The following NFAT5 variants were observed in gnomAD, a reference collection of about 807,000 sequenced individuals.
NFAT5 encodes nuclear factor of activated T cells 5.
In NFAT5, 31 loss-of-function variants were observed where a neutral mutation model predicts 166.5. That is an observed-to-expected ratio of 0.19 (90% CI 0.14 to 0.25). NFAT5 has a LOEUF of 0.25. Ranked by LOEUF, NFAT5 falls within the 10% of genes least tolerant of loss-of-function variation. The probability of loss-of-function intolerance (pLI) is 1.00; values close to 1 mark genes in which losing one functional copy is unlikely to be tolerated. For synonymous variants in NFAT5, 612 were observed against 639.7 expected (o/e 0.96, Z 0.65); for missense variants, 1,449 against 1,821.8 (o/e 0.80, Z 3.72).
intron 6 of NFAT5, among the ~76,000 whole-genome samples, chr16:69,657,164 T>A (rs938084632): frequency 6.6e-6 from 1 of 151,902 alleles, no homozygotes. Context: ...GGAGTCTTGC[T>A]TTGTTGCCCA....
chr16:69,574,816 G>T (rs183255965), intron 2 of NFAT5, among the ~76,000 whole-genome samples: 5 of 151,750 alleles, frequency 3.3e-5, no homozygotes, highest in Non-Finnish European at 7.4e-5. Flanking sequence ...TTACAGGCAC[G>T]CACCACCATG....
chr16:69,670,354 A>G, intron 9 of NFAT5, 66 bp downstream of exon 9: 1 of 963,366 alleles, frequency 1.0e-6, no homozygotes, highest in South Asian at 1.5e-5. Context: ...TTGTTTTGAA[A>G]TTTTCCTGAA....
At chr16:69,694,572 A>G (rs1215732407) in intron 13 of NFAT5, among the ~76,000 whole-genome samples, 1 of 152,190 alleles carries the variant, frequency 6.6e-6, no homozygotes, top group Admixed American at 6.5e-5. Flanking sequence ...TTGTTTTAAG[A>G]GTACAGATTG....
intron 11 of NFAT5, among the ~76,000 whole-genome samples, chr16:69,686,306 T>C (rs1199256409): frequency 6.6e-6 from 1 of 151,992 alleles, no homozygotes; most frequent in Admixed American, 6.6e-5. Flanking sequence ...TGAGCCAAGA[T>C]TGTGCCACTG....
chr16:69,615,461 T>G (rs2033900025), intron 2 of NFAT5, among the ~76,000 whole-genome samples: 1 of 152,198 alleles, frequency 6.6e-6, no homozygotes, highest in Non-Finnish European at 1.5e-5. Context: ...CCTGATACTA[T>G]TTCTCTGAAA....
rs556687502 is a variant in NFAT5 at position 69,566,264 on chromosome 16, C to T, written c.-38C>T. ...GTGCCGCCGCCACCGCCGCTCCCCC[C>T]CTCCCGCTGCCCTCGGGCCGGGCTG... On this transcript the variant is annotated 5_prime_UTR_variant, in exon 1 of 15. Transcript: ENST00000349945. The surrounding 1 kb of genome is among the most constrained non-coding windows in gnomAD (Gnocchi z 5.7). 3 of 1,579,426 alleles carry T rather than the reference C, an allele frequency of 1.9e-6. No individual in the cohort carries two copies. The highest frequency in any genetic ancestry group is 1.4e-5 in the African/African-American group (1 of 73,476).
chr16:69,688,202 C>CA (rs1188158260), intron 11 of NFAT5, among the ~76,000 whole-genome samples: 678 of 48,432 alleles, frequency 0.014, 23 homozygotes, highest in Non-Finnish European at 0.021. Flanking sequence ...GACTCCGTCT[C>CA]AAAAAAAAAA....
intron 3 of NFAT5, chr16:69,632,129 C>G (rs745736252): frequency 6.6e-6 from 1 of 152,178 alleles, no homozygotes; most frequent in Non-Finnish European, 1.5e-5. Flanking sequence ...CATTTCATAT[C>G]TCCTAATCAC....
At chr16:69,624,168 A>T (rs2151576714) in intron 2 of NFAT5, among the ~76,000 whole-genome samples, 1 of 152,300 alleles carries the variant, frequency 6.6e-6, no homozygotes, top group East Asian at 1.9e-4. Flanking sequence ...TTCAAGCATT[A>T]GGTAACAACA....
At chr16:69,624,453 C>T (rs1022294972) in intron 2 of NFAT5, among the ~76,000 whole-genome samples, 4 of 152,076 alleles carry the variant, frequency 2.6e-5, no homozygotes, top group Admixed American at 1.3e-4. Context: ...GTGATCCTCC[C>T]GCCTCGGCCT....
At position 69,626,452 on chromosome 16, in the gene NFAT5, A is replaced by G. The variant is rs1237084488; in HGVS notation, c.177A>G (p.Arg59=). The part of the protein sequence containing the change: ...LPKELQLPPS[R]ETSVASMSQT... Reference sequence around the variant, plus strand: ...AGGAGTTACAGTTACCTCCATCTAGAGAAACATCTGTAGCATCAATGAGTC... The same window carrying G: ...AGGAGTTACAGTTACCTCCATCTAGGGAAACATCTGTAGCATCAATGAGTC... The change falls in exon 3 of 15, where the codon AGA becomes AGG. Residue 59 remains arginine, a synonymous_variant. Transcript: ENST00000349945. 3 of 1,598,402 alleles carry G rather than the reference A, an allele frequency of 1.9e-6. No homozygotes were observed. The highest frequency in any genetic ancestry group is 8.5e-7 in the Non-Finnish European group (1 of 1,172,944).
rs1188158260 is a variant in NFAT5 at position 69,688,202 on chromosome 16, CAAAAA to C, written c.1775-2718_1775-2714del. Among the ~76,000 whole-genome samples the C allele has an allele frequency of 3.4e-4, 17 of 49,510 alleles. No homozygotes were observed. The South Asian group carries it at 6.3e-3, about 18-fold the overall frequency. The allele number at this position is 49,510 out of a possible 152,430, so 32.5% of individuals were successfully genotyped here. A position where few individuals can be genotyped will look rare whatever the true frequency, so the allele number is the denominator to read the frequency against. On this transcript the variant is annotated intron_variant, in intron 11 of 14. Coordinates refer to ENST00000349945, the MANE Select transcript of NFAT5 (RefSeq NM_138713.4). ...TGGGCGACAGAGCGAGACTCCGTCT[CAAAAA>C]AAAAAAAAAAAAAAAAAAACCAGGA...
At chr16:69,679,793 A>C (rs1157588844) in intron 10 of NFAT5, among the ~76,000 whole-genome samples, 1 of 152,154 alleles carries the variant, frequency 6.6e-6, no homozygotes, top group Non-Finnish European at 1.5e-5. Flanking sequence ...AGGAAGGCTT[A>C]AAACATCTAA....
intron 2 of NFAT5, among the ~76,000 whole-genome samples, chr16:69,608,317 A>G (rs1471095933): frequency 3.9e-5 from 6 of 152,160 alleles, no homozygotes; most frequent in African/African-American, 7.2e-5. Flanking sequence ...TCACTACTCA[A>G]CTAGATACTC....
intron 3 of NFAT5, among the ~76,000 whole-genome samples, chr16:69,631,610 T>C (rs1477889142): frequency 2.0e-5 from 3 of 152,136 alleles, no homozygotes; most frequent in African/African-American, 7.2e-5. Context: ...TAATACTTCA[T>C]AGCAATTGTG....
intron 7 of NFAT5, among the ~76,000 whole-genome samples, chr16:69,661,453 G>A (rs868524446): frequency 1.4e-5 from 2 of 141,648 alleles, no homozygotes; most frequent in Non-Finnish European, 3.0e-5. Context: ...TGAGGCAGAA[G>A]GATCACTTGA....
At chr16:69,568,433 A>G in intron 1 of NFAT5, 62 bp from the exon 2 acceptor site, 1 of 1,309,002 alleles carries the variant, frequency 7.6e-7, no homozygotes, top group Non-Finnish European at 1.1e-6. Context: ...GATGTATGCT[A>G]TCCTTGGCAT....
intron 9 of NFAT5, among the ~76,000 whole-genome samples, chr16:69,675,495 A>T (rs2036796145): frequency 6.6e-6 from 1 of 152,192 alleles, no homozygotes; most frequent in African/African-American, 2.4e-5. Flanking sequence ...ATGTGTTCAG[A>T]TTTAGCTCCT....
intron 10 of NFAT5, among the ~76,000 whole-genome samples, chr16:69,682,914 T>C (rs992679282): frequency 2.6e-5 from 4 of 152,094 alleles, no homozygotes; most frequent in African/African-American, 7.2e-5. Flanking sequence ...AATAAATATA[T>C]TGAAAAATAG....
Sources: allele counts gnomAD v4.1 joint callset (sites outside exome capture counted in the v4.1 genomes callset), GRCh38; gene constraint gnomAD v4.1.1; non-coding constraint Gnocchi (gnomAD v3.1); transcripts MANE v1.5; gene names NCBI Gene and HGNC (gene_info 2026-07-23, HGNC 2026-07-21).